DIP2C: variants seen among roughly 807,000 people sequenced by gnomAD.
The protein encoded by DIP2C is disco-interacting protein 2 homolog C.
Under a neutral mutation model 192.4 loss-of-function variants are expected in DIP2C, and 33 were observed. The ratio of observed to expected loss-of-function variants is 0.17; its 90% CI spans 0.13 to 0.23. DIP2C has a LOEUF of 0.23. Among genes scored for constraint, DIP2C ranks in the 10% least tolerant of loss-of-function variants. The pLI is 1.00. For synonymous variants in DIP2C, 979 were observed against 864.1 expected (o/e 1.13, Z -2.33); for missense variants, 1,537 against 2,110.1 (o/e 0.73, Z 5.32).
chr10:465,372 T>G (rs940472542), intron 3 of DIP2C, among the ~76,000 whole-genome samples: 1 of 149,486 alleles, frequency 6.7e-6, no homozygotes, highest in Non-Finnish European at 1.5e-5. Context: ...AAATTAGGTA[T>G]TGATGGGACA....
At chr10:600,711 T>C (rs1479182157) in intron 1 of DIP2C, among the ~76,000 whole-genome samples, 1 of 152,192 alleles carries the variant, frequency 6.6e-6, no homozygotes. Flanking sequence ...CTTTTCACCT[T>C]AAGGAGATTT....
intron 4 of DIP2C, chr10:437,533 G>A (rs757169716): frequency 1.3e-5 from 2 of 152,290 alleles, no homozygotes; most frequent in Non-Finnish European, 2.9e-5. Flanking sequence ...CAAATGTACT[G>A]TCTGTGCGTC....
intron 1 of DIP2C, among the ~76,000 whole-genome samples, chr10:598,469 G>T (rs1475749036): frequency 6.6e-6 from 1 of 152,244 alleles, no homozygotes; most frequent in Non-Finnish European, 1.5e-5. Flanking sequence ...ATTTCCTGTG[G>T]GAAAGTCAGT....
chr10:289,349 A>G (rs1267444219), intron 32 of DIP2C, among the ~76,000 whole-genome samples: 1 of 151,866 alleles, frequency 6.6e-6, no homozygotes, highest in Non-Finnish European at 1.5e-5. Context: ...GGCTCATCGC[A>G]GTCTGACCGC....
At chr10:502,859 C>T (rs188097711) in intron 1 of DIP2C, among the ~76,000 whole-genome samples, 3 of 152,082 alleles carry the variant, frequency 2.0e-5, no homozygotes, top group African/African-American at 2.4e-5. Flanking sequence ...CAAGGAGAAG[C>T]GGCAACACAG....
intron 3 of DIP2C, among the ~76,000 whole-genome samples, chr10:441,909 C>T (rs79477962): frequency 0.017 from 2,574 of 150,150 alleles, 75 homozygotes; most frequent in African/African-American, 0.056. Context: ...CAGCATCTCA[C>T]GCAGGCCAAT....
chr10:471,405 C>T (rs751928999), intron 3 of DIP2C, among the ~76,000 whole-genome samples: 3 of 152,138 alleles, frequency 2.0e-5, no homozygotes, highest in Non-Finnish European at 4.4e-5. Context: ...CAGGCTTCCT[C>T]GACCACCAGG....
At position 426,946 on chromosome 10, in the gene DIP2C, G is replaced by A. The variant is rs535555035; in HGVS notation, c.395-3913C>T. On this transcript the variant is annotated intron_variant, in intron 4 of 36. Transcript: ENST00000280886. ...CTAAATGAAAGAACAGTAAGACTAT[G>A]AGACTTCTAAAACTTCCAAAAAATC... is the stretch of plus-strand genomic sequence containing the variant. Among the ~76,000 whole-genome samples, 2 of 140,386 alleles carry A rather than the reference G, an allele frequency of 1.4e-5. 1 individual carries two copies. The highest frequency in any genetic ancestry group is 4.2e-4 in the South Asian group (2 of 4,716). The allele number at this position is 140,386 out of a possible 152,430, so 92.1% of individuals were successfully genotyped here.
chr10:458,600 A>G (rs1322349291), intron 3 of DIP2C, among the ~76,000 whole-genome samples: 2 of 150,044 alleles, frequency 1.3e-5, no homozygotes, highest in African/African-American at 2.5e-5. Flanking sequence ...TGTCCTCTAC[A>G]TTCCTGCCTC....
intron 1 of DIP2C, among the ~76,000 whole-genome samples, chr10:497,018 A>G (rs1419507836): frequency 6.6e-6 from 1 of 152,146 alleles, no homozygotes; most frequent in Non-Finnish European, 1.5e-5. Context: ...CAGCTACTTC[A>G]GAGGCTGAGG....
intron 1 of DIP2C, among the ~76,000 whole-genome samples, chr10:556,093 CT>C (rs1848846343): frequency 7.1e-6 from 1 of 140,336 alleles, no homozygotes; most frequent in Non-Finnish European, 1.5e-5. Context: ...CCCACCCCCC[CT>C]TCCATAGCCG....
At chr10:422,548 T>C (rs2133164406) in intron 5 of DIP2C, among the ~76,000 whole-genome samples, 1 of 152,270 alleles carries the variant, frequency 6.6e-6, no homozygotes, top group South Asian at 2.1e-4. Flanking sequence ...TGTTAAGGTT[T>C]CATGTAGGAG....
chr10:508,513 G>A (rs1158213508), intron 1 of DIP2C, among the ~76,000 whole-genome samples: 2 of 152,188 alleles, frequency 1.3e-5, no homozygotes, highest in East Asian at 3.9e-4. Context: ...AGGTCCTGCT[G>A]CACTGTTACC....
intron 1 of DIP2C, among the ~76,000 whole-genome samples, chr10:547,657 A>G (rs908485543): frequency 1.3e-5 from 2 of 152,210 alleles, no homozygotes; most frequent in Non-Finnish European, 2.9e-5. Flanking sequence ...AATAGCTCAC[A>G]AGATAGGCAG....
intron 1 of DIP2C, among the ~76,000 whole-genome samples, chr10:607,672 A>G (rs1396671707): frequency 6.6e-6 from 1 of 152,200 alleles, no homozygotes; most frequent in Non-Finnish European, 1.5e-5. Context: ...CGATGCAATG[A>G]GTGTGACTAG....
At chr10:446,648 G>A (rs1173882520) in intron 3 of DIP2C, among the ~76,000 whole-genome samples, 1 of 152,190 alleles carries the variant, frequency 6.6e-6, no homozygotes, top group East Asian at 1.9e-4. Context: ...ATGATCCCCT[G>A]ACACCCAACT....
chr10:277,607 T>G (rs756209649), intron 36 of DIP2C, 30 bp from the exon 37 acceptor site: 7 of 1,611,090 alleles, frequency 4.3e-6, no homozygotes, highest in Non-Finnish European at 5.9e-6. Context: ...GCCATCATTA[T>G]ATGTTTATTA....
chr10:607,901 T>C (rs1252314672), intron 1 of DIP2C, among the ~76,000 whole-genome samples: 3 of 151,970 alleles, frequency 2.0e-5, no homozygotes, highest in Admixed American at 2.0e-4. Context: ...CGCTAAGACG[T>C]ACGACTCTGT....
intron 3 of DIP2C, among the ~76,000 whole-genome samples, chr10:457,316 C>T (rs1354554773): frequency 6.6e-6 from 1 of 151,946 alleles, no homozygotes; most frequent in South Asian, 2.1e-4. Flanking sequence ...CTTCAGTTTC[C>T]AAGATGTCTT....
Sources: allele counts gnomAD v4.1 joint callset (sites outside exome capture counted in the v4.1 genomes callset), GRCh38; gene constraint gnomAD v4.1.1; transcripts MANE v1.5; gene names NCBI Gene and HGNC (gene_info 2026-07-23, HGNC 2026-07-21).